The following CCSER1 variants were observed in gnomAD, a reference collection of about 807,000 sequenced individuals.
CCSER1 encodes coiled-coil serine rich protein 1, also known as serine-rich coiled-coil domain-containing protein 1.
Under a neutral mutation model 82.0 loss-of-function variants are expected in CCSER1, and 41 were observed. That is an observed-to-expected ratio of 0.50 (90% CI 0.39 to 0.65). The LOEUF (loss-of-function observed/expected upper bound fraction) is 0.65. CCSER1 is among the 30% of genes least tolerant of loss of function. CCSER1 has a pLI of 0.00. For synonymous variants in CCSER1, 414 were observed against 383.9 expected (o/e 1.08, Z -0.92); for missense variants, 1,119 against 1,064.2 (o/e 1.05, Z -0.72).
At chr4:91,160,577 T>C (rs1731283282) in intron 10 of CCSER1, among the ~76,000 whole-genome samples, 1 of 152,224 alleles carries the variant, frequency 6.6e-6, no homozygotes, top group South Asian at 2.1e-4. Flanking sequence ...GACTTTTTAA[T>C]GATCTCCATT....
At chr4:91,587,022 G>A (rs964872320) in intron 10 of CCSER1, among the ~76,000 whole-genome samples, 2 of 151,636 alleles carry the variant, frequency 1.3e-5, no homozygotes, top group African/African-American at 4.8e-5. Context: ...AACTTAGCAT[G>A]GGAGATGCAA....
intron 10 of CCSER1, among the ~76,000 whole-genome samples, chr4:91,459,936 T>C (rs1258330110): frequency 3.3e-5 from 5 of 152,100 alleles, no homozygotes; most frequent in African/African-American, 1.2e-4. Flanking sequence ...AGATAGCCAT[T>C]GACTAAGAAA....
At chr4:91,487,007 C>G (rs1365935502) in intron 10 of CCSER1, among the ~76,000 whole-genome samples, 4 of 151,940 alleles carry the variant, frequency 2.6e-5, no homozygotes, top group African/African-American at 9.7e-5. Context: ...TATACATAAA[C>G]CAAATATACA....
At chr4:91,344,836 A>G (rs1747949056) in intron 10 of CCSER1, among the ~76,000 whole-genome samples, 1 of 152,194 alleles carries the variant, frequency 6.6e-6, no homozygotes, top group Admixed American at 6.5e-5. Context: ...ATAATATTAC[A>G]GTACTCAAAA....
intron 8 of CCSER1, among the ~76,000 whole-genome samples, chr4:90,879,815 C>G (rs1244380114): frequency 2.0e-5 from 3 of 152,100 alleles, no homozygotes; most frequent in African/African-American, 4.8e-5. Context: ...TTTCTCATCT[C>G]TGTGTATGGG....
At chr4:90,745,316 A>T (rs1270720036) in intron 7 of CCSER1, among the ~76,000 whole-genome samples, 1 of 152,092 alleles carries the variant, frequency 6.6e-6, no homozygotes, top group Non-Finnish European at 1.5e-5. Flanking sequence ...TCTGTCTCCC[A>T]TTTTTGACAT....
chr4:91,135,795 A>G (rs949807002), intron 10 of CCSER1, among the ~76,000 whole-genome samples: 2 of 152,186 alleles, frequency 1.3e-5, no homozygotes, highest in Admixed American at 6.5e-5. Flanking sequence ...TGGGTGCAGC[A>G]TGAAGGGAGT....
chr4:91,503,321 G>A (rs868732967), intron 10 of CCSER1, among the ~76,000 whole-genome samples: 1 of 144,060 alleles, frequency 6.9e-6, no homozygotes, highest in Middle Eastern at 3.8e-3. Context: ...CAACCTGGGA[G>A]AAAGAGCGAT....
chr4:91,070,013 CT>C (rs1233212223), intron 9 of CCSER1, among the ~76,000 whole-genome samples: 4 of 146,988 alleles, frequency 2.7e-5, no homozygotes, highest in African/African-American at 1.0e-4. Flanking sequence ...AAGAAATAGT[CT>C]TGCTCTGTCA....
chr4:90,720,109 G>A (rs570687116), intron 6 of CCSER1, among the ~76,000 whole-genome samples: 52 of 152,010 alleles, frequency 3.4e-4, no homozygotes, highest in African/African-American at 1.1e-3. Flanking sequence ...GAGTTCTTTC[G>A]TGTTGAGTTC....
At chr4:91,282,209 C>A (rs1742965975) in intron 10 of CCSER1, among the ~76,000 whole-genome samples, 1 of 152,138 alleles carries the variant, frequency 6.6e-6, no homozygotes, top group Admixed American at 6.6e-5. Context: ...GATCTCCTTT[C>A]TGATCTAGAT....
chr4:90,663,255 C>G (rs1330493686), intron 6 of CCSER1, among the ~76,000 whole-genome samples: 4 of 152,110 alleles, frequency 2.6e-5, no homozygotes, highest in Non-Finnish European at 5.9e-5. Context: ...TTACAATTTT[C>G]TATTAAAGTA....
chr4:91,003,609 G>C (rs1209419357), intron 9 of CCSER1, among the ~76,000 whole-genome samples: 4 of 152,076 alleles, frequency 2.6e-5, no homozygotes, highest in Non-Finnish European at 5.9e-5. Context: ...AACATTGGGA[G>C]AGCAGGGCTG....
intron 5 of CCSER1, among the ~76,000 whole-genome samples, chr4:90,478,371 T>C (rs1230943706): frequency 6.6e-6 from 1 of 152,174 alleles, no homozygotes; most frequent in Non-Finnish European, 1.5e-5. Context: ...TAAAGACAGG[T>C]ATTTTTTGAA....
intron 10 of CCSER1, among the ~76,000 whole-genome samples, chr4:91,530,992 T>A (rs929048916): frequency 9.9e-5 from 15 of 152,102 alleles, no homozygotes; most frequent in African/African-American, 3.6e-4. Flanking sequence ...CGGCAAAAAT[T>A]GTATATTTCT....
chr4:90,257,409 G>C (rs995612468), intron 1 of CCSER1, among the ~76,000 whole-genome samples: 1 of 152,042 alleles, frequency 6.6e-6, no homozygotes, highest in African/African-American at 2.4e-5. Flanking sequence ...ATTTTTTGGT[G>C]TATTTAAAAG....
intron 10 of CCSER1, among the ~76,000 whole-genome samples, chr4:91,345,961 A>G (rs905636122): frequency 1.1e-4 from 17 of 151,876 alleles, no homozygotes; most frequent in African/African-American, 3.9e-4. Flanking sequence ...TTCAGATTGG[A>G]TTACTTCACT....
intron 10 of CCSER1, among the ~76,000 whole-genome samples, chr4:91,171,062 T>C (rs1732696585): frequency 6.6e-6 from 1 of 152,186 alleles, no homozygotes; most frequent in African/African-American, 2.4e-5. Context: ...ATATCAAATC[T>C]ATTTATGTCT....
intron 1 of CCSER1, among the ~76,000 whole-genome samples, chr4:90,136,512 C>G (rs890599141): frequency 7.9e-5 from 12 of 152,140 alleles, no homozygotes; most frequent in African/African-American, 2.9e-4. Flanking sequence ...TTCTTGGAAG[C>G]AAATATTATG....
Sources: allele counts gnomAD v4.1 joint callset (sites outside exome capture counted in the v4.1 genomes callset), GRCh38; gene constraint gnomAD v4.1.1; transcripts MANE v1.5; gene names NCBI Gene and HGNC (gene_info 2026-07-23, HGNC 2026-07-21).